DIAPH2: variants seen among roughly 807,000 people sequenced by gnomAD.
The protein encoded by DIAPH2 is protein diaphanous homolog 2.
DIAPH2 carries 35 observed loss-of-function variants against 92.7 expected under a neutral mutation model. The ratio of observed to expected loss-of-function variants is 0.38; its 90% confidence interval spans 0.29 to 0.50. The LOEUF (loss-of-function observed/expected upper bound fraction) is 0.50. Ranked by LOEUF, DIAPH2 falls within the 20% of genes least tolerant of loss-of-function variation. The probability of loss-of-function intolerance (pLI) is 0.94; values close to 1 mark genes in which losing one functional copy is unlikely to be tolerated. For synonymous variants in DIAPH2, 301 were observed against 280.4 expected (o/e 1.07, Z -0.73); for missense variants, 701 against 819.5 (o/e 0.86, Z 1.77).
chrX:97,300,223 A>G (rs1181181434), intron 23 of DIAPH2, among the ~76,000 whole-genome samples: 1 of 111,807 alleles, frequency 8.9e-6, no homozygotes, highest in Non-Finnish European at 1.9e-5. Context: ...AAAGACATAA[A>G]AAAGACAGAC....
At chrX:97,311,547 T>A (rs189537088) in intron 23 of DIAPH2, among the ~76,000 whole-genome samples, 84 of 110,256 alleles carry the variant, frequency 7.6e-4, no homozygotes, top group African/African-American at 2.7e-3. Context: ...TCATAGGGAG[T>A]CAAAGCTGTC....
chrX:96,956,106 A>G (rs1269683679), intron 15 of DIAPH2, among the ~76,000 whole-genome samples: 2 of 112,773 alleles, frequency 1.8e-5, no homozygotes, highest in Admixed American at 1.9e-4. Context: ...AGGCGTTTTC[A>G]TACATCCTCT....
At chrX:97,539,346 G>A (rs1602656781) in intron 26 of DIAPH2, among the ~76,000 whole-genome samples, 1 of 111,149 alleles carries the variant, frequency 9.0e-6, no homozygotes, top group South Asian at 3.9e-4. Context: ...AAGGGTAAAA[G>A]GAGTGACAAA....
chrX:97,139,236 G>A (rs1302477725), intron 21 of DIAPH2, among the ~76,000 whole-genome samples: 1 of 109,276 alleles, frequency 9.2e-6, no homozygotes, highest in Non-Finnish European at 1.9e-5. Flanking sequence ...TGTGTGAATG[G>A]CATAGACTTG....
At chrX:97,158,429 G>A (rs975767858) in intron 22 of DIAPH2, among the ~76,000 whole-genome samples, 1 of 111,272 alleles carries the variant, frequency 9.0e-6, no homozygotes, top group African/African-American at 3.3e-5. Context: ...ATCACTCCTC[G>A]GCAGTGTTCT....
At chrX:97,498,145 A>G (rs932833043) in intron 26 of DIAPH2, among the ~76,000 whole-genome samples, 8 of 110,999 alleles carry the variant, frequency 7.2e-5, no homozygotes, top group South Asian at 3.8e-4. Flanking sequence ...TAATCCTTCT[A>G]TTCTTATGAT....
At chrX:96,788,372 T>A (rs1299357990) in intron 4 of DIAPH2, among the ~76,000 whole-genome samples, 2 of 111,772 alleles carry the variant, frequency 1.8e-5, no homozygotes, top group Non-Finnish European at 3.8e-5. Flanking sequence ...TATTTGAAGG[T>A]TAGAGCTTGG....
intron 23 of DIAPH2, among the ~76,000 whole-genome samples, chrX:97,273,412 G>A (rs1172113193): frequency 9.0e-6 from 1 of 111,412 alleles, no homozygotes; most frequent in Non-Finnish European, 1.9e-5. Context: ...GCAAACTACT[G>A]GCCAGTTCCT....
intron 4 of DIAPH2, among the ~76,000 whole-genome samples, chrX:96,808,731 A>G (rs1241634760): frequency 8.9e-6 from 1 of 112,032 alleles, no homozygotes; most frequent in South Asian, 3.7e-4. Flanking sequence ...TCTAAAAACA[A>G]TCATTGGTGT....
intron 10 of DIAPH2, among the ~76,000 whole-genome samples, chrX:96,931,063 GT>G (rs1234905940): frequency 9.0e-6 from 1 of 111,340 alleles, no homozygotes; most frequent in Non-Finnish European, 1.9e-5. Context: ...ATGTGTTTTT[GT>G]TTTTTGTTGT....
At chrX:97,358,571 G>C (rs1396555115) in intron 24 of DIAPH2, among the ~76,000 whole-genome samples, 2 of 111,390 alleles carry the variant, frequency 1.8e-5, no homozygotes, top group Non-Finnish European at 3.8e-5. Flanking sequence ...TACTAGATAA[G>C]TTAATATTAT....
intron 3 of DIAPH2, among the ~76,000 whole-genome samples, chrX:96,740,573 T>C (rs1426149937): frequency 1.8e-5 from 2 of 112,175 alleles, no homozygotes; most frequent in Non-Finnish European, 3.8e-5. Flanking sequence ...CTTCCCTTCA[T>C]TGATTATCTC....
intron 17 of DIAPH2, among the ~76,000 whole-genome samples, chrX:96,975,338 G>T (rs2065953772): frequency 8.9e-6 from 1 of 111,812 alleles, no homozygotes; most frequent in Non-Finnish European, 1.9e-5. Flanking sequence ...CAAAAGAGTG[G>T]TAAAGTGTAA....
intron 5 of DIAPH2, among the ~76,000 whole-genome samples, chrX:96,902,328 T>G (rs776684050): frequency 6.2e-5 from 7 of 112,046 alleles, no homozygotes; most frequent in South Asian, 7.6e-4. Flanking sequence ...TTATGTCTAT[T>G]GTTTCTTTGT....
At chrX:97,306,550 T>A (rs2068748550) in intron 23 of DIAPH2, among the ~76,000 whole-genome samples, 1 of 112,036 alleles carries the variant, frequency 8.9e-6, no homozygotes, top group Non-Finnish European at 1.9e-5. Flanking sequence ...TCCTTATCTC[T>A]GAACCAAATT....
intron 4 of DIAPH2, among the ~76,000 whole-genome samples, chrX:96,789,806 C>T (rs192455745): frequency 1.8e-5 from 2 of 111,517 alleles, no homozygotes; most frequent in East Asian, 2.8e-4. Context: ...TTAAACTCCA[C>T]GTCTCCTTGC....
At chrX:97,499,448 AG>A (rs1201504205) in intron 26 of DIAPH2, among the ~76,000 whole-genome samples, 2 of 111,760 alleles carry the variant, frequency 1.8e-5, no homozygotes, top group African/African-American at 6.5e-5. Context: ...GTACATGTGC[AG>A]GTTTGTTGCA....
chrX:97,526,404 G>T (rs766438909), intron 26 of DIAPH2, among the ~76,000 whole-genome samples: 1 of 107,222 alleles, frequency 9.3e-6, no homozygotes, highest in East Asian at 3.0e-4. Context: ...ATCTCTTCTT[G>T]TTGAATCCAT....
Position 97,469,700 on chromosome X carries a change from A to G in DIAPH2, c.3241+39955A>G, listed in dbSNP as rs761995239. 5.0e-6 allele frequency: 6 copies of G among 1,207,752 alleles called. No individual in the cohort carries two copies. In the South Asian group the frequency reaches 7.1e-5, roughly 14 times the overall value. On this transcript the variant is annotated intron_variant, in intron 26 of 26. Coordinates refer to ENST00000324765, the MANE Select transcript of DIAPH2 (RefSeq NM_006729.5). ...TATTTCTTCTTTTCTGCAGTGGTAAATCATCCCTGTGCAACAAGGGCTAAT... is the reference window on the plus strand; with the variant it reads ...TATTTCTTCTTTTCTGCAGTGGTAAGTCATCCCTGTGCAACAAGGGCTAAT...
Sources: gnomAD v4.1 joint callset for allele counts (sites outside exome capture counted in the v4.1 genomes callset) on GRCh38, gnomAD v4.1.1 for gene constraint, MANE v1.5 for transcripts, NCBI Gene and HGNC (gene_info 2026-07-23, HGNC 2026-07-21) for gene names.